The following SDK1 variants were observed in gnomAD, a reference collection of about 807,000 sequenced individuals.
SDK1 encodes the protein sidekick cell adhesion molecule 1.
SDK1 carries 157 observed loss-of-function variants against 245.5 expected under a neutral mutation model. The ratio of observed to expected loss-of-function variants is 0.64; its 90% CI spans 0.56 to 0.73. The LOEUF (loss-of-function observed/expected upper bound fraction) is 0.73, where lower values mean the gene tolerates loss of function less well. Among genes scored for constraint, SDK1 ranks in the 30% least tolerant of loss-of-function variants. SDK1 has a pLI of 0.00. For synonymous variants in SDK1, 1,647 were observed against 1,278.5 expected (o/e 1.29, Z -6.15); for missense variants, 3,583 against 3,002.3 (o/e 1.19, Z -4.52).
intron 44 of SDK1, among the ~76,000 whole-genome samples, chr7:4,258,443 A>AT (rs558584902): frequency 6.0e-4 from 92 of 152,308 alleles, no homozygotes; most frequent in African/African-American, 2.0e-3. Context: ...TCCCACTGAA[A>AT]TTGCTGATTT....
chr7:3,870,967 G>T (rs970262029), intron 5 of SDK1, among the ~76,000 whole-genome samples: 1 of 152,138 alleles, frequency 6.6e-6, no homozygotes, highest in Admixed American at 6.5e-5. Flanking sequence ...GATTGGTATT[G>T]TATTAAACTA....
intron 22 of SDK1, among the ~76,000 whole-genome samples, chr7:4,105,535 G>C (rs1275851284): frequency 1.3e-5 from 2 of 150,148 alleles, no homozygotes; most frequent in Non-Finnish European, 3.0e-5. Context: ...TTGATCTCTT[G>C]ACCTCGTGAT....
chr7:3,919,720 T>A (rs1393674719), intron 5 of SDK1, among the ~76,000 whole-genome samples: 1 of 152,182 alleles, frequency 6.6e-6, no homozygotes. Context: ...TTAACAGCTG[T>A]TAGCTTGAAA....
chr7:3,465,127 G>A (rs536021003), intron 1 of SDK1, among the ~76,000 whole-genome samples: 6 of 152,254 alleles, frequency 3.9e-5, no homozygotes, highest in Middle Eastern at 3.4e-3. Context: ...GCTCCTTGAC[G>A]CAAATTGGCA....
chr7:3,843,959 A>G (rs1255108162), intron 5 of SDK1, among the ~76,000 whole-genome samples: 1 of 152,172 alleles, frequency 6.6e-6, no homozygotes, highest in African/African-American at 2.4e-5. Flanking sequence ...TCCTACTACA[A>G]CTTTGCAGAA....
intron 44 of SDK1, among the ~76,000 whole-genome samples, chr7:4,261,628 C>G (rs754979536): frequency 9.9e-4 from 151 of 152,328 alleles, no homozygotes; most frequent in Admixed American, 4.0e-3. Flanking sequence ...CTCCGACAGA[C>G]CCACAGAGTC....
At chr7:4,151,566 C>T (rs190304968) in intron 30 of SDK1, among the ~76,000 whole-genome samples, 34 of 152,146 alleles carry the variant, frequency 2.2e-4, no homozygotes, top group African/African-American at 7.5e-4. Context: ...AGGTGTTTTC[C>T]CTGGTGATCT....
intron 38 of SDK1, among the ~76,000 whole-genome samples, chr7:4,213,195 C>T (rs1442524761): frequency 6.6e-6 from 1 of 152,118 alleles, no homozygotes; most frequent in Non-Finnish European, 1.5e-5. Flanking sequence ...AAGTGGATCA[C>T]GAGGTCAGGA....
chr7:3,650,108 G>T (rs1319823907), intron 4 of SDK1, among the ~76,000 whole-genome samples: 1 of 151,942 alleles, frequency 6.6e-6, no homozygotes. Flanking sequence ...AGACTGCCAT[G>T]GCATGATCAT....
chr7:3,418,146 A>C (rs112605832), intron 1 of SDK1, among the ~76,000 whole-genome samples: 650 of 14,644 alleles, frequency 0.044, 26 homozygotes, highest in African/African-American at 0.19. Flanking sequence ...ACTAAAAATG[A>C]AAAAAAAAAA....
chr7:3,759,014 C>G (rs1348381429), intron 4 of SDK1, among the ~76,000 whole-genome samples: 1 of 152,188 alleles, frequency 6.6e-6, no homozygotes, highest in Admixed American at 6.5e-5. Flanking sequence ...CAGGGAGAAA[C>G]CTGACTCGCA....
rs1475826850 is a variant in SDK1 at position 3,634,186 on chromosome 7, CA to C, written c.459-4814del. On this transcript the variant is annotated intron_variant, in intron 2 of 44. Coordinates refer to ENST00000404826, the MANE Select transcript of SDK1 (RefSeq NM_152744.4). The stretch of plus-strand genomic sequence containing the variant: ...TAATTTGAGATAAGCCCCATCTCCA[CA>C]AAAGCTCATAGGGTGGCAGATTCTC... Among the ~76,000 whole-genome samples the C allele has an allele frequency of 3.3e-5, 5 of 152,284 alleles. No individual in the cohort carries two copies. In the East Asian group the frequency reaches 9.7e-4, roughly 29 times the overall value.
chr7:3,490,374 A>C (rs946553884), intron 1 of SDK1, among the ~76,000 whole-genome samples: 3 of 152,174 alleles, frequency 2.0e-5, no homozygotes, highest in Non-Finnish European at 4.4e-5. Flanking sequence ...CTTTTGAGGA[A>C]GGTGTATGAA....
At chr7:3,638,543 C>A (rs1309631122) in intron 2 of SDK1, among the ~76,000 whole-genome samples, 2 of 147,776 alleles carry the variant, frequency 1.4e-5, no homozygotes, top group Admixed American at 1.4e-4. Context: ...GACAAAAAAC[C>A]AAACACCGCA....
chr7:4,124,860 GATGGATGGGTGGATGGTAGATGA>G (rs961991802), intron 25 of SDK1, among the ~76,000 whole-genome samples: 1 of 152,088 alleles, frequency 6.6e-6, no homozygotes, highest in Non-Finnish European at 1.5e-5. Flanking sequence ...TGGGCGAATG[GATGGATGGGTGGATGGTAGATGA>G]ATGGATGGGT....
At chr7:3,570,558 A>G (rs1780081183) in intron 1 of SDK1, among the ~76,000 whole-genome samples, 1 of 151,998 alleles carries the variant, frequency 6.6e-6, no homozygotes, top group African/African-American at 2.4e-5. Flanking sequence ...GAGGTTTCCC[A>G]TTTACTCCAT....
At chr7:4,082,495 A>T (rs1019299402) in intron 22 of SDK1, among the ~76,000 whole-genome samples, 4 of 150,866 alleles carry the variant, frequency 2.7e-5, no homozygotes, top group Non-Finnish European at 5.9e-5. Context: ...AGATCATGCC[A>T]CTGTACTTCA....
At chr7:4,166,237 G>C (rs921754839) in intron 32 of SDK1, among the ~76,000 whole-genome samples, 11 of 152,258 alleles carry the variant, frequency 7.2e-5, no homozygotes, top group African/African-American at 2.7e-4. Context: ...CGCCGCTTCA[G>C]AACACATCTT....
intron 1 of SDK1, among the ~76,000 whole-genome samples, chr7:3,442,865 G>A (rs1225709049): frequency 6.6e-6 from 1 of 152,156 alleles, no homozygotes; most frequent in Non-Finnish European, 1.5e-5. Context: ...TACTCACTGT[G>A]TTCTGTCTCT....
Sources: allele counts gnomAD v4.1 joint callset (sites outside exome capture counted in the v4.1 genomes callset), GRCh38; gene constraint gnomAD v4.1.1; transcripts MANE v1.5; gene names NCBI Gene and HGNC (gene_info 2026-07-23, HGNC 2026-07-21).